RBBP8: variants seen among roughly 807,000 people sequenced by gnomAD.
RBBP8 encodes the protein DNA endonuclease RBBP8.
In RBBP8, 88 loss-of-function variants were observed where a neutral mutation model predicts 108.3. The ratio of observed to expected loss-of-function variants is 0.81; its 90% CI spans 0.68 to 0.97. RBBP8 has a LOEUF of 0.97. Ranked by LOEUF, RBBP8 falls within the 50% of genes least tolerant of loss-of-function variation. The pLI is 0.00. For synonymous variants in RBBP8, 332 were observed against 348.2 expected (o/e 0.95, Z 0.52); for missense variants, 1,023 against 1,049.0 (o/e 0.98, Z 0.34).
intron 6 of RBBP8, 97 bp from the exon 7 acceptor site, chr18:22,982,120 AG>A: frequency 7.4e-7 from 1 of 1,354,144 alleles, no homozygotes; most frequent in African/African-American, 1.4e-5. Context: ...TACATCCCTT[AG>A]AGCTTCATGT....
At chr18:22,998,907 C>T (rs1285524492) in intron 14 of RBBP8, among the ~76,000 whole-genome samples, 1 of 152,116 alleles carries the variant, frequency 6.6e-6, no homozygotes, top group African/African-American at 2.4e-5. Context: ...TAGTTTATTG[C>T]CATTTTATGG....
chr18:23,021,590 C>A (rs1225877540), intron 17 of RBBP8, among the ~76,000 whole-genome samples: 6 of 152,136 alleles, frequency 3.9e-5, no homozygotes, highest in Non-Finnish European at 5.9e-5. Flanking sequence ...GGCTTTTGAT[C>A]CTAACTGAAA....
chr18:22,984,399 T>C (rs1203012208), intron 7 of RBBP8, among the ~76,000 whole-genome samples: 1 of 152,150 alleles, frequency 6.6e-6, no homozygotes, highest in African/African-American at 2.4e-5. Flanking sequence ...TGATTGATTA[T>C]TTGAGATAGG....
chr18:22,966,828 G>A (rs960635817), intron 4 of RBBP8, among the ~76,000 whole-genome samples: 4 of 148,996 alleles, frequency 2.7e-5, no homozygotes, highest in Non-Finnish European at 4.4e-5. Context: ...CTGGGTTCAA[G>A]CATTTATCCT....
chr18:22,928,014 G>A (rs1371888275), intron 3 of RBBP8, among the ~76,000 whole-genome samples: 1 of 151,968 alleles, frequency 6.6e-6, no homozygotes, highest in Non-Finnish European at 1.5e-5. Context: ...TTTGAGACTA[G>A]CCTGGCCAAC....
At chr18:22,993,948 T>A in intron 12 of RBBP8, 101 bp downstream of exon 12, 1 of 1,276,036 alleles carries the variant, frequency 7.8e-7, no homozygotes, top group Non-Finnish European at 1.1e-6. Flanking sequence ...GAAAAAAACT[T>A]ATTTCTTCCT....
At chr18:22,929,479 T>G (rs1275258400), upstream of RBBP8, 4 of 5,642 alleles carry the variant, frequency 7.1e-4, no homozygotes, top group African/African-American at 2.0e-3. Flanking sequence ...TGTGTGTGTG[T>G]GTGTGTGTGT....
intron 3 of RBBP8, among the ~76,000 whole-genome samples, chr18:22,925,653 C>G (rs1909764600): frequency 6.6e-6 from 1 of 152,134 alleles, no homozygotes; most frequent in Non-Finnish European, 1.5e-5. Flanking sequence ...TTCACATGGA[C>G]AAAGCAATGA....
chr18:23,012,912 T>G (rs2046193063), intron 16 of RBBP8, among the ~76,000 whole-genome samples: 1 of 152,210 alleles, frequency 6.6e-6, no homozygotes, highest in Non-Finnish European at 1.5e-5. Flanking sequence ...TGACTTCAAG[T>G]TGAAGCCAGT....
chr18:22,925,554 T>C (rs547884049), intron 3 of RBBP8, among the ~76,000 whole-genome samples: 9 of 152,332 alleles, frequency 5.9e-5, no homozygotes, highest in African/African-American at 1.9e-4. Flanking sequence ...AGCACATAAT[T>C]ACATTAAAGA....
At chr18:22,926,777 T>C (rs532971771) in intron 3 of RBBP8, among the ~76,000 whole-genome samples, 151 of 152,344 alleles carry the variant, frequency 9.9e-4, no homozygotes, top group Non-Finnish European at 1.8e-3. Flanking sequence ...ACGAGACTAA[T>C]CTTTCTAATT....
chr18:22,976,743 A>T (rs1316460998), intron 6 of RBBP8, among the ~76,000 whole-genome samples: 1 of 152,082 alleles, frequency 6.6e-6, no homozygotes, highest in African/African-American at 2.4e-5. Context: ...TACGTAGCTT[A>T]TGGTATTTTG....
intron 16 of RBBP8, among the ~76,000 whole-genome samples, chr18:23,010,554 A>G (rs1242232203): frequency 6.6e-6 from 1 of 151,940 alleles, no homozygotes; most frequent in African/African-American, 2.4e-5. Context: ...CTATGATCAC[A>G]CCACTGCACT....
At chr18:22,942,889 T>C (rs1486327376) in intron 2 of RBBP8, among the ~76,000 whole-genome samples, 1 of 152,128 alleles carries the variant, frequency 6.6e-6, no homozygotes, top group Non-Finnish European at 1.5e-5. Flanking sequence ...CAGCGTCTGC[T>C]ATTAACATCT....
intron 8 of RBBP8, among the ~76,000 whole-genome samples, chr18:22,987,391 G>A (rs774652316): frequency 1.4e-4 from 21 of 152,152 alleles, no homozygotes; most frequent in Non-Finnish European, 2.5e-4. Context: ...GACTGTAAAC[G>A]TCGTCAGTGT....
upstream of RBBP8, among the ~76,000 whole-genome samples, chr18:22,929,975 A>G (rs971131606): frequency 3.9e-5 from 6 of 152,212 alleles, no homozygotes; most frequent in African/African-American, 1.4e-4. Context: ...CTAACGTGAT[A>G]CGTCATTTTC....
At chr18:22,986,913 CT>C (rs1427278802) in intron 8 of RBBP8, among the ~76,000 whole-genome samples, 1 of 152,194 alleles carries the variant, frequency 6.6e-6, no homozygotes, top group Non-Finnish European at 1.5e-5. Flanking sequence ...CTTCTCAGCT[CT>C]CTAGAACCAA....
chr18:22,987,750 G>T (rs930689083), intron 8 of RBBP8, among the ~76,000 whole-genome samples: 1 of 152,128 alleles, frequency 6.6e-6, no homozygotes, highest in Non-Finnish European at 1.5e-5. Flanking sequence ...CACTGTACCC[G>T]GCTTCACTTT....
In RBBP8 at chr18:22,964,096, T is replaced by C. The variant is rs148504137; in HGVS notation, c.249-4710T>C. Among the ~76,000 whole-genome samples the C allele has an allele frequency of 8.5e-5, 13 of 152,270 alleles. No individual in the cohort carries two copies. The East Asian group carries it at 2.1e-3, about 25-fold the overall frequency. ...TGTTGAAATCCCACACTATTCTGAGTTTTCTTTTTTCCCCCACAATCCCCA... is the reference window on the plus strand; with the variant it reads ...TGTTGAAATCCCACACTATTCTGAGCTTTCTTTTTTCCCCCACAATCCCCA... On this transcript the variant is annotated intron_variant, in intron 4 of 18. Coordinates refer to ENST00000327155, the MANE Select transcript of RBBP8 (RefSeq NM_002894.3).
Sources: allele counts gnomAD v4.1 joint callset (sites outside exome capture counted in the v4.1 genomes callset), GRCh38; gene constraint gnomAD v4.1.1; transcripts MANE v1.5; gene names NCBI Gene and HGNC (gene_info 2026-07-23, HGNC 2026-07-21).